NUBPL: variants seen among roughly 807,000 people sequenced by gnomAD.
The protein encoded by NUBPL is NUBP iron-sulfur cluster assembly factor, mitochondrial, also known as iron-sulfur cluster transfer protein NUBPL.
In NUBPL, 31 loss-of-function variants were observed where a neutral mutation model predicts 45.7. The ratio of observed to expected loss-of-function variants is 0.68; its 90% CI spans 0.51 to 0.92. The LOEUF is 0.92. NUBPL is among the 40% of genes least tolerant of loss of function. The pLI, the probability that NUBPL is intolerant of heterozygous loss-of-function variation, is 0.00. For synonymous variants in NUBPL, 144 were observed against 140.9 expected, an observed-to-expected ratio of 1.02 and a Z score of -0.15; for missense variants, 401 against 398.7, an observed-to-expected ratio of 1.01 and a Z score of -0.05.
chr14:31,858,804 G>C (rs1228657251), intron 10 of NUBPL, among the ~76,000 whole-genome samples: 1 of 152,148 alleles, frequency 6.6e-6, no homozygotes, highest in Non-Finnish European at 1.5e-5. Context: ...AGAGCAAAAA[G>C]GTGTAATCTC....
intron 7 of NUBPL, among the ~76,000 whole-genome samples, chr14:31,815,580 G>A (rs1458794806): frequency 1.3e-5 from 2 of 152,144 alleles, no homozygotes; most frequent in Admixed American, 1.3e-4. Context: ...ATTTTGAATA[G>A]GAGTGGTAAG....
In NUBPL at chr14:31,641,803, T is replaced by C. The variant is rs115932180; in HGVS notation, c.383-31552T>C. Among the ~76,000 whole-genome samples the C allele has an allele frequency of 2.9e-3, 437 of 152,326 alleles. 3 individuals carry two copies. Among genetic ancestry groups the C allele is most frequent in the African/African-American group, 9.8e-3 (409 of 41,574 alleles). On this transcript the variant is annotated intron_variant, in intron 4 of 10. Transcript: ENST00000281081. ...CTAATTTACATTCCTACCAACACTG[T>C]AGGAGGGTTTCCCTTTATTTACATC...
At chr14:31,701,307 C>T (rs1475047927) in intron 6 of NUBPL, among the ~76,000 whole-genome samples, 6 of 152,170 alleles carry the variant, frequency 3.9e-5, no homozygotes, top group African/African-American at 1.2e-4. Context: ...TGTAAATGCA[C>T]CAGTCAGCAC....
intron 4 of NUBPL, among the ~76,000 whole-genome samples, chr14:31,672,982 C>T (rs919463704): frequency 6.6e-6 from 1 of 152,224 alleles, no homozygotes; most frequent in East Asian, 1.9e-4. Context: ...AGATGTTAGT[C>T]AAGTAGTGCG....
At chr14:31,705,416 C>G (rs2037425931) in intron 6 of NUBPL, among the ~76,000 whole-genome samples, 1 of 152,120 alleles carries the variant, frequency 6.6e-6, no homozygotes, top group Non-Finnish European at 1.5e-5. Flanking sequence ...CACCCACATC[C>G]TACTGATTGG....
chr14:31,639,579 G>C (rs935469291), intron 4 of NUBPL, among the ~76,000 whole-genome samples: 1 of 152,218 alleles, frequency 6.6e-6, no homozygotes, highest in Non-Finnish European at 1.5e-5. Flanking sequence ...TAGATCTCCA[G>C]CTGCATCCTG....
intron 7 of NUBPL, among the ~76,000 whole-genome samples, chr14:31,822,375 T>G (rs2040032043): frequency 6.6e-6 from 1 of 152,128 alleles, no homozygotes; most frequent in African/African-American, 2.4e-5. Flanking sequence ...TATGCTAGAT[T>G]AAGGACTAAA....
rs1368237937 is a variant in NUBPL at position 31,693,586 on chromosome 14, C to G, written c.513+20012C>G. Among the ~76,000 whole-genome samples, 3 of 152,132 alleles carry G rather than the reference C, an allele frequency of 2.0e-5. No homozygotes were observed. The South Asian group carries it at 6.2e-4, about 31-fold the overall frequency. ...ACCTTGCATGGAAAAGATTCATAGA[C>G]TATGCATTAACTATAGGTGAAGTCA... On this transcript the variant is annotated intron_variant, in intron 6 of 10. Coordinates refer to ENST00000281081, the MANE Select transcript of NUBPL (RefSeq NM_025152.3).
chr14:31,783,263 A>G (rs1231840227), intron 6 of NUBPL, among the ~76,000 whole-genome samples: 4 of 152,080 alleles, frequency 2.6e-5, no homozygotes, highest in African/African-American at 7.2e-5. Context: ...CCAGGGCTCA[A>G]TCTGATTGGA....
At chr14:31,822,836 G>A (rs1300618957) in intron 7 of NUBPL, among the ~76,000 whole-genome samples, 1 of 152,008 alleles carries the variant, frequency 6.6e-6, no homozygotes. Flanking sequence ...TGTTCGAATG[G>A]TGCTATTCAG....
chr14:31,736,102 T>C (rs1373841962), intron 6 of NUBPL, among the ~76,000 whole-genome samples: 1 of 152,170 alleles, frequency 6.6e-6, no homozygotes, highest in African/African-American at 2.4e-5. Context: ...CATTTTCCTC[T>C]CCATTATAAA....
intron 4 of NUBPL, 44 bp from the exon 5 acceptor site, chr14:31,673,306 ATGTGT>A: frequency 1.4e-6 from 2 of 1,467,480 alleles, no homozygotes; most frequent in Non-Finnish European, 1.9e-6. Context: ...CAGAATGTTT[ATGTGT>A]TGTGTTTTAT....
intron 6 of NUBPL, among the ~76,000 whole-genome samples, chr14:31,713,731 C>T (rs190662928): frequency 3.3e-5 from 5 of 152,244 alleles, no homozygotes; most frequent in East Asian, 1.9e-4. Context: ...TTTTATTCTC[C>T]GTAGGAACTA....
At chr14:31,595,471 A>G (rs868858485) in intron 3 of NUBPL, among the ~76,000 whole-genome samples, 3 of 152,218 alleles carry the variant, frequency 2.0e-5, no homozygotes, top group Non-Finnish European at 2.9e-5. Flanking sequence ...TTTTGTAGCA[A>G]ATATTCGTTT....
chr14:31,811,813 T>C (rs1356670557), intron 7 of NUBPL, among the ~76,000 whole-genome samples: 3 of 152,158 alleles, frequency 2.0e-5, no homozygotes, highest in Non-Finnish European at 4.4e-5. Context: ...TTTGTGGATG[T>C]CCTTTTTGTT....
chr14:31,839,919 A>G (rs528312434), intron 8 of NUBPL, among the ~76,000 whole-genome samples: 10 of 152,112 alleles, frequency 6.6e-5, no homozygotes, highest in South Asian at 2.1e-4. Context: ...TAGAATAGCT[A>G]TTATCCCCTC....
chr14:31,747,646 C>G (rs2038430692), intron 6 of NUBPL, among the ~76,000 whole-genome samples: 1 of 151,922 alleles, frequency 6.6e-6, no homozygotes. Flanking sequence ...TTTATGTGGT[C>G]TTGGTTGTAA....
intron 6 of NUBPL, among the ~76,000 whole-genome samples, chr14:31,741,627 G>A (rs142969151): frequency 9.2e-5 from 14 of 152,290 alleles, no homozygotes; most frequent in African/African-American, 3.1e-4. Context: ...ACTCACAACA[G>A]TGTGGGGACC....
Position 31,756,092 on chromosome 14 carries a change from G to C in NUBPL, c.514-31688G>C, listed in dbSNP as rs539087716. Among the ~76,000 whole-genome samples, 979 of 151,718 alleles carry C rather than the reference G, an allele frequency of 6.5e-3. 10 individuals are homozygous for C. The highest frequency in any genetic ancestry group is 0.022 in the African/African-American group (917 of 41,368). On this transcript the variant is annotated intron_variant, in intron 6 of 10. Transcript: ENST00000281081. ...TTTGGTACCAGTACCATGCTGTTTT[G>C]GTTACTGTAGCCTTGTAGTATAGTT...
Sources: allele counts gnomAD v4.1 joint callset (sites outside exome capture counted in the v4.1 genomes callset), GRCh38; gene constraint gnomAD v4.1.1; transcripts MANE v1.5; gene names NCBI Gene and HGNC (gene_info 2026-07-23, HGNC 2026-07-21).